Variants in RBFOX3 observed in about 807,000 individuals in gnomAD.
RBFOX3 encodes the protein RNA binding fox-1 homolog 3, also known as RNA binding protein fox-1 homolog 3.
RBFOX3 carries 17 observed loss-of-function variants against 48.7 expected under a neutral mutation model. The ratio of observed to expected loss-of-function variants is 0.35; its 90% confidence interval spans 0.24 to 0.52. The LOEUF is 0.52. Among genes scored for constraint, RBFOX3 ranks in the 20% least tolerant of loss-of-function variants. The pLI, the probability that RBFOX3 is intolerant of heterozygous loss-of-function variation, is 0.94. For synonymous variants in RBFOX3, 212 were observed against 209.5 expected, an observed-to-expected ratio of 1.01 and a Z score of -0.10; for missense variants, 382 against 497.5, an observed-to-expected ratio of 0.77 and a Z score of 2.21.
intron 5 of RBFOX3, among the ~76,000 whole-genome samples, chr17:79,107,865 G>A (rs1469608393): frequency 2.6e-5 from 4 of 152,212 alleles, no homozygotes; most frequent in African/African-American, 4.8e-5. Context: ...AGAGTCCCTC[G>A]GTGGCGACAG....
chr17:79,578,050 C>T (rs2092921554), intron 1 of RBFOX3, among the ~76,000 whole-genome samples: 1 of 152,256 alleles, frequency 6.6e-6, no homozygotes, highest in African/African-American at 2.4e-5. Context: ...GTCCTCACTT[C>T]CTCGGCCTGA....
chr17:79,602,273 A>G (rs1372774781), intron 1 of RBFOX3, among the ~76,000 whole-genome samples: 1 of 152,222 alleles, frequency 6.6e-6, no homozygotes, highest in East Asian at 1.9e-4. Flanking sequence ...CAAGATATCA[A>G]ACAGACTTCT....
intron 2 of RBFOX3, among the ~76,000 whole-genome samples, chr17:79,454,998 G>A (rs1348673637): frequency 1.3e-5 from 2 of 152,198 alleles, no homozygotes; most frequent in Non-Finnish European, 2.9e-5. Flanking sequence ...CATCCCCCAT[G>A]GGGTGTGTGC....
intron 3 of RBFOX3, among the ~76,000 whole-genome samples, chr17:79,275,646 T>C (rs1237181328): frequency 1.3e-5 from 2 of 152,186 alleles, no homozygotes; most frequent in Admixed American, 1.3e-4. Flanking sequence ...TGTGCCTGGC[T>C]CTCTGCCAGA....
the RBFOX3 span, among the ~76,000 whole-genome samples, chr17:79,627,967 T>C: frequency 7.6e-6 from 1 of 132,194 alleles, no homozygotes; most frequent in African/African-American, 2.9e-5. Context: ...CCCCCATCAC[T>C]CCCCTGGGCT....
At chr17:79,633,264 G>A in the RBFOX3 span, among the ~76,000 whole-genome samples, 4 of 152,266 alleles carry the variant, frequency 2.6e-5, no homozygotes, top group Non-Finnish European at 5.9e-5. Flanking sequence ...CAAAGTGGCC[G>A]CCAGAAGACT....
chr17:79,196,718 T>C (rs1208982135), intron 4 of RBFOX3, among the ~76,000 whole-genome samples: 2 of 152,174 alleles, frequency 1.3e-5, no homozygotes, highest in Admixed American at 1.3e-4. Context: ...CTCTCAATTA[T>C]CTATGCCAAT....
At chr17:79,257,191 C>T (rs937915789) in intron 3 of RBFOX3, among the ~76,000 whole-genome samples, 1 of 152,124 alleles carries the variant, frequency 6.6e-6, no homozygotes, top group Non-Finnish European at 1.5e-5. Context: ...CCTGGGGCCT[C>T]CGGGGACTCC....
intron 4 of RBFOX3, among the ~76,000 whole-genome samples, chr17:79,206,452 C>T (rs2057496435): frequency 6.6e-6 from 1 of 152,180 alleles, no homozygotes; most frequent in South Asian, 2.1e-4. Context: ...TTGAGAGACA[C>T]AGCACTGACT....
At chr17:79,359,144 C>T (rs752434311) in intron 2 of RBFOX3, among the ~76,000 whole-genome samples, 6 of 152,226 alleles carry the variant, frequency 3.9e-5, no homozygotes, top group African/African-American at 7.2e-5. Flanking sequence ...ATGGGTTAGA[C>T]GGATTTAAAC....
intron 2 of RBFOX3, among the ~76,000 whole-genome samples, chr17:79,429,172 G>A (rs1222290142): frequency 1.3e-5 from 2 of 152,266 alleles, no homozygotes; most frequent in Non-Finnish European, 2.9e-5. Context: ...CGTGGAGCAT[G>A]CTCCTTGCAG....
intron 2 of RBFOX3, among the ~76,000 whole-genome samples, chr17:79,410,319 C>T (rs1055545198): frequency 1.3e-5 from 2 of 152,206 alleles, no homozygotes; most frequent in Non-Finnish European, 2.9e-5. Flanking sequence ...CAGGCTGGTT[C>T]TCGTCTCCGT....
chr17:79,648,222 T>C, the RBFOX3 span, among the ~76,000 whole-genome samples: 1 of 152,134 alleles, frequency 6.6e-6, no homozygotes, highest in Non-Finnish European at 1.5e-5. Context: ...ACACTCAAGA[T>C]GAGCTCTGCT....
chr17:79,397,484 C>T (rs998542467), intron 2 of RBFOX3, among the ~76,000 whole-genome samples: 2 of 145,620 alleles, frequency 1.4e-5, no homozygotes, highest in South Asian at 2.2e-4. Context: ...CAGAGGAGGA[C>T]TCCATCCCCA....
chr17:79,659,146 C>T, the RBFOX3 span, among the ~76,000 whole-genome samples: 7 of 152,064 alleles, frequency 4.6e-5, no homozygotes, highest in Non-Finnish European at 1.0e-4. Flanking sequence ...CACGCGGGGG[C>T]CCGTGACAAC....
At chr17:79,661,243 C>A in the RBFOX3 span, among the ~76,000 whole-genome samples, 15 of 152,184 alleles carry the variant, frequency 9.9e-5, no homozygotes, top group East Asian at 1.5e-3. Context: ...ATGTAACAAA[C>A]CTACACATCC....
the RBFOX3 span, among the ~76,000 whole-genome samples, chr17:79,648,432 GT>G: frequency 2.0e-5 from 3 of 152,212 alleles, no homozygotes; most frequent in Admixed American, 6.5e-5. Flanking sequence ...CTGCTCTCCA[GT>G]TACCAAGCTC....
chr17:79,152,284 A>G (rs77623718), intron 4 of RBFOX3, among the ~76,000 whole-genome samples: 10,239 of 152,004 alleles, frequency 0.067, 511 homozygotes, highest in East Asian at 0.21. Context: ...ACTTCGGGGC[A>G]CCTCCCCCAG....
At chr17:79,542,050 T>TC (rs2089787116) in intron 1 of RBFOX3, among the ~76,000 whole-genome samples, 1 of 151,952 alleles carries the variant, frequency 6.6e-6, no homozygotes, top group African/African-American at 2.4e-5. Flanking sequence ...TTTTTTTTTT[T>TC]TCATGTATTG....
Sources: gnomAD v4.1 joint callset for allele counts (sites outside exome capture counted in the v4.1 genomes callset) on GRCh38, gnomAD v4.1.1 for gene constraint, MANE v1.5 for transcripts, NCBI Gene and HGNC (gene_info 2026-07-23, HGNC 2026-07-21) for gene names.